PHEX: variants seen among roughly 807,000 people sequenced by gnomAD.
The protein encoded by PHEX is phosphate regulating endopeptidase X-linked, also known as phosphate-regulating neutral endopeptidase PHEX.
Under a neutral mutation model 68.0 loss-of-function variants are expected in PHEX, and 16 were observed. That is an observed-to-expected ratio of 0.24 (90% CI 0.16 to 0.36). The LOEUF (loss-of-function observed/expected upper bound fraction) is 0.36. PHEX is among the 10% of genes least tolerant of loss of function. The pLI is 1.00. For synonymous variants in PHEX, 208 were observed against 205.1 expected (o/e 1.01, Z -0.12); for missense variants, 480 against 575.5 (o/e 0.83, Z 1.70).
At chrX:22,243,087 A>T (rs760946162) in intron 20 of PHEX, among the ~76,000 whole-genome samples, 1 of 112,212 alleles carries the variant, frequency 8.9e-6, no homozygotes, top group East Asian at 2.8e-4. Flanking sequence ...ACAGATATGT[A>T]GACCAGTGGA....
rs958105903 is a variant in PHEX, at chrX:22,227,051, C to T, written c.1966-456C>T. On this transcript the variant is annotated intron_variant, in intron 19 of 21. Coordinates refer to ENST00000379374, the MANE Select transcript of PHEX (RefSeq NM_000444.6). ...AAATGCATTAAATTTAATGACTAGA[C>T]TGTTATTCCTGGTTATATCCTTCCT... Among the ~76,000 whole-genome samples the T allele has an allele frequency of 5.3e-5, 6 of 112,251 alleles. No individual in the cohort carries two copies. The South Asian group carries it at 1.9e-3, about 35-fold the overall frequency.
intron 1 of PHEX, among the ~76,000 whole-genome samples, chrX:22,034,572 C>A (rs941399244): frequency 1.8e-5 from 2 of 112,063 alleles, no homozygotes; most frequent in African/African-American, 6.5e-5. Context: ...GATAAGGAGG[C>A]CTGCATAAAA....
rs1935317725 is a variant in PHEX, at chrX:22,222,930, C to T, written c.1899+1187C>T. Among the ~76,000 whole-genome samples, 6 of 111,943 alleles carry T rather than the reference C, an allele frequency of 5.4e-5. No homozygotes were observed. The South Asian group carries it at 2.2e-3, about 42-fold the overall frequency. ...TACGACTCCAAAGTCCATACTGCTT[C>T]CCCTATATCATGCTGAGGTTCTTAT... On this transcript the variant is annotated intron_variant, in intron 18 of 21. Coordinates refer to ENST00000379374, the MANE Select transcript of PHEX (RefSeq NM_000444.6).
At chrX:22,145,811 C>T (rs1158644843) in intron 12 of PHEX, among the ~76,000 whole-genome samples, 1 of 111,787 alleles carries the variant, frequency 8.9e-6, no homozygotes, top group East Asian at 2.8e-4. Flanking sequence ...AAAGGATTTT[C>T]CCTCATCAAC....
At chrX:22,158,447 A>C in intron 12 of PHEX, among the ~76,000 whole-genome samples, 1 of 111,214 alleles carries the variant, frequency 9.0e-6, no homozygotes, top group African/African-American at 3.3e-5. Context: ...AAATTAATAA[A>C]AAAGAAAAAA....
At chrX:22,106,045 C>T (rs1283388354) in intron 9 of PHEX, among the ~76,000 whole-genome samples, 1 of 109,954 alleles carries the variant, frequency 9.1e-6, no homozygotes. Context: ...TTTATTGCCA[C>T]TTGGGGAAAT....
At chrX:22,053,026 G>T (rs1390814222) in intron 3 of PHEX, among the ~76,000 whole-genome samples, 1 of 111,807 alleles carries the variant, frequency 8.9e-6, no homozygotes, top group African/African-American at 3.2e-5. Flanking sequence ...GATTAAAGGA[G>T]ATGATTTATA....
rs1365733879 is a variant in PHEX at position 22,160,560 on chromosome X, AAAAAAG to A, written c.1405-7747_1405-7742del. Among the ~76,000 whole-genome samples, 999 of 108,688 alleles carry A rather than the reference AAAAAAG, an allele frequency of 9.2e-3. 15 individuals are homozygous for A. Among genetic ancestry groups the A allele is most frequent in the African/African-American group, 0.032 (954 of 29,805 alleles). 94.4% of individuals were successfully genotyped at this position (108,688 alleles called of 115,157 possible). Reference sequence around the variant, plus strand: ...GTGAAACTCCGTCTCAAAAAAAAAAAAAAAAGAAAAGAAAAAAGAAAGCAAGCATGT... The same window carrying A: ...GTGAAACTCCGTCTCAAAAAAAAAAAAAAAGAAAAAAGAAAGCAAGCATGT... On this transcript the variant is annotated intron_variant, in intron 12 of 21. Coordinates refer to ENST00000379374, the MANE Select transcript of PHEX (RefSeq NM_000444.6).
At chrX:22,073,930 G>A (rs971172576) in intron 3 of PHEX, among the ~76,000 whole-genome samples, 81 of 110,827 alleles carry the variant, frequency 7.3e-4, no homozygotes, top group African/African-American at 2.4e-3. Flanking sequence ...GAGCCACCGC[G>A]CCTGGCCTGC....
At chrX:22,185,056 C>T (rs537990843) in intron 14 of PHEX, among the ~76,000 whole-genome samples, 2 of 111,665 alleles carry the variant, frequency 1.8e-5, no homozygotes, top group Admixed American at 9.5e-5. Flanking sequence ...AATAGGTGTA[C>T]CAATGTCTTT....
intron 20 of PHEX, among the ~76,000 whole-genome samples, chrX:22,238,204 G>A (rs900047747): frequency 3.6e-5 from 4 of 112,427 alleles, no homozygotes; most frequent in Non-Finnish European, 5.6e-5. Context: ...CACAGAAGGC[G>A]GGTGATTTCT....
intron 9 of PHEX, among the ~76,000 whole-genome samples, chrX:22,106,886 C>T (rs1930723557): frequency 9.0e-6 from 1 of 111,093 alleles, no homozygotes; most frequent in Non-Finnish European, 1.9e-5. Context: ...GTCCGGCCTC[C>T]ATTGCTTATT....
At chrX:22,200,987 G>C (rs937365989) in intron 15 of PHEX, among the ~76,000 whole-genome samples, 21 of 111,667 alleles carry the variant, frequency 1.9e-4, no homozygotes, top group Non-Finnish European at 2.8e-4. Context: ...TGGAGGAGGG[G>C]TTATTCTGTA....
intron 9 of PHEX, among the ~76,000 whole-genome samples, chrX:22,105,013 G>T (rs911876473): frequency 3.6e-5 from 4 of 112,365 alleles, no homozygotes; most frequent in Non-Finnish European, 5.6e-5. Context: ...GATGATTCTT[G>T]TTGCATGTTC....
At chrX:22,038,603 A>G (rs1216808358) in intron 2 of PHEX, 66 bp downstream of exon 2, 4 of 710,748 alleles carry the variant, frequency 5.6e-6, no homozygotes, top group Non-Finnish European at 9.1e-6. Flanking sequence ...GGAAGAGAAG[A>G]CAGGTGGTAT....
intron 16 of PHEX, among the ~76,000 whole-genome samples, chrX:22,216,082 C>G (rs1002177198): frequency 1.8e-5 from 2 of 111,590 alleles, no homozygotes; most frequent in African/African-American, 6.5e-5. Context: ...AGGGGATGAG[C>G]TCTTGGTCAT....
intron 3 of PHEX, among the ~76,000 whole-genome samples, chrX:22,069,428 A>G (rs753686202): frequency 3.6e-5 from 4 of 111,947 alleles, no homozygotes; most frequent in African/African-American, 6.5e-5. Flanking sequence ...TGAACATAAT[A>G]AAAGAGTTAT....
chrX:22,063,283 A>T (rs1223089256), intron 3 of PHEX, among the ~76,000 whole-genome samples: 1 of 112,411 alleles, frequency 8.9e-6, no homozygotes, highest in Non-Finnish European at 1.9e-5. Context: ...ATTTCCCAAC[A>T]TGTTGACCAA....
chrX:22,038,120 A>G lies in PHEX; in HGVS notation c.119-349A>G, dbSNP rs943564761. On this transcript the variant is annotated intron_variant, in intron 1 of 21. Transcript: ENST00000379374. ...CCGCAGATGGCTGGGCCCCACCCCC[A>G]GGGTTTCTGAGTCAAGATCTTGGAG... Among the ~76,000 whole-genome samples the G allele has an allele frequency of 6.3e-5, 7 of 110,476 alleles. No individual in the cohort carries two copies. The East Asian group carries it at 8.6e-4, about 14-fold the overall frequency.
Sources: gnomAD v4.1 joint callset for allele counts (sites outside exome capture counted in the v4.1 genomes callset) on GRCh38, gnomAD v4.1.1 for gene constraint, MANE v1.5 for transcripts, NCBI Gene and HGNC (gene_info 2026-07-23, HGNC 2026-07-21) for gene names.